CUX1: variants seen among roughly 807,000 people sequenced by gnomAD.
CUX1 encodes the protein protein CASP.
CUX1 carries 31 observed loss-of-function variants against 158.8 expected under a neutral mutation model. The ratio of observed to expected loss-of-function variants is 0.20; its 90% CI spans 0.15 to 0.26. The LOEUF is 0.26. Among genes scored for constraint, CUX1 ranks in the 10% least tolerant of loss-of-function variants. CUX1 has a pLI of 1.00. For missense variants in CUX1, 1,589 were observed against 2,014.6 expected, an observed-to-expected ratio of 0.79 and a Z score of 4.04; for synonymous variants, 879 against 862.1, an observed-to-expected ratio of 1.02 and a Z score of -0.34.
intron 5 of CUX1, among the ~76,000 whole-genome samples, chr7:102,103,122 C>T (rs1285148950): frequency 2.0e-5 from 3 of 152,172 alleles, no homozygotes; most frequent in African/African-American, 4.8e-5. Flanking sequence ...AGGGGCCCCT[C>T]GCTGCCCCAC....
chr7:101,976,947 T>G (rs1340274618), intron 2 of CUX1, among the ~76,000 whole-genome samples: 3 of 143,868 alleles, frequency 2.1e-5, no homozygotes, highest in Non-Finnish European at 3.0e-5. Context: ...AGTTTCGTTC[T>G]TGTTACCCAG....
At chr7:102,188,054 C>G (rs1327448799) in intron 11 of CUX1, among the ~76,000 whole-genome samples, 2 of 151,934 alleles carry the variant, frequency 1.3e-5, no homozygotes, top group Non-Finnish European at 2.9e-5. Flanking sequence ...TAAAAAATAA[C>G]CGGGTGTGGT....
intron 1 of CUX1, among the ~76,000 whole-genome samples, chr7:101,901,432 T>A (rs1452137096): frequency 6.6e-6 from 1 of 152,034 alleles, no homozygotes; most frequent in African/African-American, 2.4e-5. Context: ...TAACTGGGAT[T>A]ACAGACTTGC....
chr7:102,145,837 C>T (rs759178292), intron 8 of CUX1, among the ~76,000 whole-genome samples: 1 of 152,134 alleles, frequency 6.6e-6, no homozygotes, highest in Non-Finnish European at 1.5e-5. Flanking sequence ...ATCCCAGCTA[C>T]TCATGAGACT....
chr7:101,936,348 G>T (rs1239646807), intron 2 of CUX1, among the ~76,000 whole-genome samples: 3 of 152,104 alleles, frequency 2.0e-5, no homozygotes, highest in Non-Finnish European at 4.4e-5. Flanking sequence ...GGTGTGACGG[G>T]GGTGGGGAGA....
intron 1 of CUX1, among the ~76,000 whole-genome samples, chr7:101,825,774 TGTGTGTGTGTGTGTGTGTGTGTGTGCGC>T (rs1249165314): frequency 4.1e-5 from 4 of 97,340 alleles, no homozygotes; most frequent in Non-Finnish European, 6.2e-5. Flanking sequence ...TGTGTGTGTG[TGTGTGTGTGTGTGTGTGTGTGTGTGCGC>T]GCGCGCGCGC....
At chr7:102,282,304 G>A (rs868955613) in intron 21 of CUX1, among the ~76,000 whole-genome samples, 2 of 152,300 alleles carry the variant, frequency 1.3e-5, no homozygotes, top group South Asian at 4.1e-4. Context: ...CCCAGCTGTG[G>A]AGGTGGCGTT....
chr7:102,135,446 G>T (rs1402611608), intron 8 of CUX1, among the ~76,000 whole-genome samples: 1 of 151,980 alleles, frequency 6.6e-6, no homozygotes, highest in Non-Finnish European at 1.5e-5. Flanking sequence ...CAGCGGAGGA[G>T]GACGTGGAGG....
At chr7:102,165,909 T>G (rs1295460135) in intron 9 of CUX1, among the ~76,000 whole-genome samples, 2 of 152,172 alleles carry the variant, frequency 1.3e-5, no homozygotes, top group Non-Finnish European at 2.9e-5. Flanking sequence ...TCTCTGTATT[T>G]GCTGGCTTGA....
chr7:102,215,667 AG>A (rs1563422914), intron 20 of CUX1, among the ~76,000 whole-genome samples: 1 of 152,238 alleles, frequency 6.6e-6, no homozygotes, highest in Non-Finnish European at 1.5e-5. Flanking sequence ...CCATCGTGGA[AG>A]ACGAAAATCT....
At chr7:102,126,339 C>T (rs983983675) in intron 8 of CUX1, among the ~76,000 whole-genome samples, 12 of 151,910 alleles carry the variant, frequency 7.9e-5, no homozygotes, top group Admixed American at 5.3e-4. Context: ...ACGCCCGGCC[C>T]GTGACATTAT....
intron 17 of CUX1, among the ~76,000 whole-genome samples, chr7:102,200,841 G>A (rs112649289): frequency 1.1e-3 from 167 of 151,728 alleles, no homozygotes; most frequent in African/African-American, 3.9e-3. Context: ...ACCAGCCTAT[G>A]CAACACAGTG....
At chr7:102,150,021 G>A (rs781927028) in intron 8 of CUX1, among the ~76,000 whole-genome samples, 1 of 152,206 alleles carries the variant, frequency 6.6e-6, no homozygotes, top group Non-Finnish European at 1.5e-5. Context: ...GGGAGAGTTC[G>A]CTTGATCAAA....
intron 8 of CUX1, among the ~76,000 whole-genome samples, chr7:102,146,772 AT>A (rs1266256771): frequency 2.0e-5 from 3 of 151,820 alleles, no homozygotes; most frequent in Admixed American, 6.6e-5. Context: ...TAATTTTTGT[AT>A]TTTTAGTAGA....
At chr7:101,939,246 G>A (rs1386671205) in intron 2 of CUX1, among the ~76,000 whole-genome samples, 1 of 151,498 alleles carries the variant, frequency 6.6e-6, no homozygotes, top group Non-Finnish European at 1.5e-5. Context: ...GTTACATAGA[G>A]GGATCATACC....
Position 102,248,875 on chromosome 7 carries a change from C to G in CUX1, c.4351C>G (p.Arg1451Gly), listed in dbSNP as rs1259086264. ...CAACAGCAGCAGCAGCAGCGCCCCC[C>G]GCAGGCCCAGCTCGCTGCAGAGCCT... Reference protein sequence around the residue: ...PSNSSSSSAPRRPSSLQSLFG... With the variant: ...PSNSSSSSAPGRPSSLQSLFG... Residue 1451 changes from arginine (R) to glycine (G), a missense_variant, in exon 24 of 24, where the codon CGC becomes GGC. Transcript: ENST00000292535. This position sits in a 1 kb window ranked among gnomAD's most constrained non-coding sequence, Gnocchi z 5.8. 2.8e-5 allele frequency: 38 copies of G among 1,343,260 alleles called. No individual in the cohort carries two copies. Among genetic ancestry groups the G allele is most frequent in the Middle Eastern group, 5.2e-4 (2 of 3,882 alleles). 83.2% of individuals were successfully genotyped at this position (1,343,260 alleles called of 1,614,324 possible). A position where few individuals can be genotyped will look rare whatever the true frequency, so the allele number is the denominator to read the frequency against.
At chr7:102,281,713 T>C in intron 20 of CUX1, 1 of 678,368 alleles carries the variant, frequency 1.5e-6, no homozygotes, top group East Asian at 2.7e-5. Context: ...AATGATGGAA[T>C]AGGGGCCCCA....
intron 8 of CUX1, among the ~76,000 whole-genome samples, chr7:102,158,350 A>G (rs10227131): frequency 0.11 from 17,389 of 152,070 alleles, 1,883 homozygotes; most frequent in African/African-American, 0.29. Flanking sequence ...GGCACCCCAT[A>G]CGCACCAGAC....
chr7:102,114,672 G>T (rs1484461436), intron 7 of CUX1, among the ~76,000 whole-genome samples: 3 of 152,320 alleles, frequency 2.0e-5, no homozygotes, highest in East Asian at 3.9e-4. Flanking sequence ...CAGGCCAGGA[G>T]TTCCAGACCA....
Sources: allele counts gnomAD v4.1 joint callset (sites outside exome capture counted in the v4.1 genomes callset), GRCh38; gene constraint gnomAD v4.1.1; non-coding constraint Gnocchi (gnomAD v3.1); transcripts MANE v1.5; gene names NCBI Gene and HGNC (gene_info 2026-07-23, HGNC 2026-07-21).